CD6: variants seen among roughly 807,000 people sequenced by gnomAD.
The protein encoded by CD6 is T-cell differentiation antigen CD6.
Under a neutral mutation model 75.3 loss-of-function variants are expected in CD6, and 53 were observed. The observed-to-expected ratio is 0.70, with a 90% CI of 0.56 to 0.88. The LOEUF (loss-of-function observed/expected upper bound fraction) is 0.88, where lower values mean the gene tolerates loss of function less well. Among genes scored for constraint, CD6 ranks in the 40% least tolerant of loss-of-function variants. The pLI is 0.00. For synonymous variants in CD6, 359 were observed against 381.5 expected (o/e 0.94, Z 0.69); for missense variants, 770 against 897.1 (o/e 0.86, Z 1.81).
At chr11:61,017,093 G>A (rs1365497498) in intron 9 of CD6, 1 of 228,458 alleles carries the variant, frequency 4.4e-6, no homozygotes, top group African/African-American at 2.3e-5. Context: ...GTGATGCAGT[G>A]ATTCCAGACC....
At chr11:60,981,228 A>C (rs1480326154) in intron 1 of CD6, among the ~76,000 whole-genome samples, 1 of 152,196 alleles carries the variant, frequency 6.6e-6, no homozygotes, top group Non-Finnish European at 1.5e-5. Context: ...GCTACTATTT[A>C]ATACTTCCAT....
intron 12 of CD6, 21 bp from the exon 13 acceptor site, chr11:61,019,233 T>G: frequency 6.2e-7 from 1 of 1,604,852 alleles, no homozygotes; most frequent in Non-Finnish European, 8.5e-7. Context: ...CTCCCACTAA[T>G]CTGGGCCTCT....
At chr11:61,017,261 C>G in intron 9 of CD6, 1 of 573,916 alleles carries the variant, frequency 1.7e-6, no homozygotes, top group Admixed American at 3.0e-5. Context: ...TTGTAGGGCA[C>G]TAGAGTTTCT....
chr11:60,990,023 GTTTTATTTTA>G (rs1367852182), intron 1 of CD6, among the ~76,000 whole-genome samples: 4 of 151,476 alleles, frequency 2.6e-5, no homozygotes, highest in Non-Finnish European at 5.9e-5. Flanking sequence ...TTTTTATTTT[GTTTTATTTTA>G]TTTTACTAAA....
chr11:61,011,009 C>T, intron 5 of CD6, 61 bp from the exon 6 acceptor site: 2 of 1,467,814 alleles, frequency 1.4e-6, no homozygotes, highest in East Asian at 2.3e-5. Context: ...TAACCCAAGG[C>T]CTGGCACACA....
chr11:61,018,255 C>A (rs375828680), intron 11 of CD6, 34 bp from the exon 12 acceptor site: 2 of 1,521,208 alleles, frequency 1.3e-6, no homozygotes, highest in African/African-American at 2.8e-5. Flanking sequence ...TGGCTGTGTG[C>A]TGGCAGAGGG....
At chr11:60,989,135 G>A (rs1483625349) in intron 1 of CD6, 1 of 152,232 alleles carries the variant, frequency 6.6e-6, no homozygotes, top group African/African-American at 2.4e-5. Context: ...AGTAGAAAGA[G>A]TGAATCTGGG....
chr11:61,004,941 C>A (rs2135145975), intron 1 of CD6, among the ~76,000 whole-genome samples: 1 of 152,300 alleles, frequency 6.6e-6, no homozygotes, highest in Non-Finnish European at 1.5e-5. Context: ...TTCAACCAGC[C>A]CAACCTAAGT....
At position 61,013,999 on chromosome 11, in the gene CD6, A is replaced by C. The variant is rs752472697; in HGVS notation, c.1372A>C (p.Thr458Pro). The C allele has an allele frequency of 8.7e-6, 14 of 1,612,738 alleles. No individual in the cohort carries two copies. Among genetic ancestry groups the C allele is most frequent in the Non-Finnish European group, 1.2e-5 (14 of 1,179,400 alleles). Reference protein sequence around the residue: ...GSNSYQPVPITIPKEVFMLPI... With the variant: ...GSNSYQPVPIPIPKEVFMLPI... ...CAATAGCTATCAACCGGTCCCCATCACCATCCCCAAAGAAGGTAGGATGTC... is the reference window on the plus strand; with the variant it reads ...CAATAGCTATCAACCGGTCCCCATCCCCATCCCCAAAGAAGGTAGGATGTC... Residue 458 changes from threonine (T) to proline (P), a missense_variant, in exon 8 of 13, where the codon ACC (threonine) becomes CCC (proline). By Grantham distance (38) the Thr-to-Pro change is conservative. Coordinates refer to ENST00000313421, the MANE Select transcript of CD6 (RefSeq NM_006725.5).
chr11:60,998,748 C>A lies in CD6; in HGVS notation c.50-7826C>A, dbSNP rs11230557. Among the ~76,000 whole-genome samples, 261 of 151,904 alleles carry A rather than the reference C, an allele frequency of 1.7e-3. 1 individual carries two copies. The highest frequency in any genetic ancestry group is 6.1e-3 in the African/African-American group (251 of 41,408). On this transcript the variant is annotated intron_variant, in intron 1 of 12. Transcript: ENST00000313421. ...TCACTGTATTAGTACTTCAAGCTAG[C>A]CCACATGTCCCCCCAGGAAAAAAGC...
At chr11:60,990,622 A>G (rs573058275) in intron 1 of CD6, among the ~76,000 whole-genome samples, 1 of 152,236 alleles carries the variant, frequency 6.6e-6, no homozygotes, top group South Asian at 2.1e-4. Context: ...AATAAGAAAG[A>G]AAACCATACA....
intron 3 of CD6, chr11:61,008,287 T>A: frequency 3.8e-6 from 2 of 531,272 alleles, no homozygotes; most frequent in Non-Finnish European, 3.3e-6. Context: ...CCCTAAGCGC[T>A]GTGGCTCCCA....
chr11:61,017,398 C>T lies in CD6; in HGVS notation c.1511-81C>T, dbSNP rs76677068. On this transcript the variant is annotated intron_variant, in intron 9 of 12. Coordinates refer to ENST00000313421, the MANE Select transcript of CD6 (RefSeq NM_006725.5). Reference sequence around the variant, plus strand: ...CACCCTATTCAGCCTACCCAGGCCCCGGGAAATCCAGCCTCTTCTCCAGGC... The same window carrying T: ...CACCCTATTCAGCCTACCCAGGCCCTGGGAAATCCAGCCTCTTCTCCAGGC... The T allele has an allele frequency of 2.1e-4, 243 of 1,151,796 alleles. 1 individual carries two copies. In the East Asian group the frequency reaches 5.5e-3, roughly 26 times the overall value. The allele number at this position is 1,151,796 out of a possible 1,614,324, so 71.3% of individuals were successfully genotyped here.
intron 1 of CD6, among the ~76,000 whole-genome samples, chr11:60,983,079 C>T (rs759909172): frequency 5.3e-5 from 8 of 152,012 alleles, no homozygotes; most frequent in Non-Finnish European, 1.2e-4. Context: ...GGCTCTGCCT[C>T]CTCTTTGTTT....
intron 1 of CD6, among the ~76,000 whole-genome samples, chr11:60,980,598 T>C (rs1031495737): frequency 1.3e-5 from 2 of 152,040 alleles, no homozygotes; most frequent in African/African-American, 4.8e-5. Context: ...GGAGGTCAAG[T>C]AGGGCGGATC....
At chr11:60,973,866 C>T (rs1424831640) in intron 1 of CD6, among the ~76,000 whole-genome samples, 1 of 152,178 alleles carries the variant, frequency 6.6e-6, no homozygotes, top group Non-Finnish European at 1.5e-5. Context: ...ATGGCCTCTC[C>T]AGGCAGGAGG....
intron 1 of CD6, among the ~76,000 whole-genome samples, chr11:60,976,628 C>A (rs1857373487): frequency 6.6e-6 from 1 of 152,150 alleles, no homozygotes; most frequent in Non-Finnish European, 1.5e-5. Context: ...TTATGCCAAG[C>A]AGGTTGAAGT....
At chr11:60,989,829 C>A (rs984771872) in intron 1 of CD6, among the ~76,000 whole-genome samples, 1 of 152,058 alleles carries the variant, frequency 6.6e-6, no homozygotes, top group Admixed American at 6.6e-5. Context: ...CCCGCCTGCA[C>A]GATAGTGATA....
At chr11:61,010,569 A>T (rs1027375890) in intron 5 of CD6, among the ~76,000 whole-genome samples, 7 of 152,230 alleles carry the variant, frequency 4.6e-5, no homozygotes, top group Non-Finnish European at 1.0e-4. Flanking sequence ...TTTACGAGCA[A>T]GGAGGCTTCC....
Sources: allele counts gnomAD v4.1 joint callset (sites outside exome capture counted in the v4.1 genomes callset), GRCh38; gene constraint gnomAD v4.1.1; transcripts MANE v1.5; gene names NCBI Gene and HGNC (gene_info 2026-07-23, HGNC 2026-07-21).